ARHGEF3: variants seen among roughly 807,000 people sequenced by gnomAD.
ARHGEF3 encodes 59.8 kDA protein.
Under a neutral mutation model 63.2 loss-of-function variants are expected in ARHGEF3, and 28 were observed. That is an observed-to-expected ratio of 0.44 (90% confidence interval 0.33 to 0.61). ARHGEF3 has a LOEUF of 0.61. Among genes scored for constraint, ARHGEF3 ranks in the 20% least tolerant of loss-of-function variants. ARHGEF3 has a pLI of 0.03. For synonymous variants in ARHGEF3, 266 were observed against 254.2 expected, an observed-to-expected ratio of 1.05 and a Z score of -0.44; for missense variants, 533 against 659.3, an observed-to-expected ratio of 0.81 and a Z score of 2.10.
intron 2 of ARHGEF3, among the ~76,000 whole-genome samples, chr3:56,765,780 TAGA>T (rs1304318299): frequency 2.6e-5 from 4 of 152,102 alleles, no homozygotes; most frequent in African/African-American, 9.7e-5. Flanking sequence ...TATTTTATCA[TAGA>T]AGATTTTCTA....
intron 2 of ARHGEF3, among the ~76,000 whole-genome samples, chr3:56,967,920 ATT>A (rs1700654212): frequency 1.4e-5 from 1 of 70,948 alleles, no homozygotes; most frequent in Non-Finnish European, 2.4e-5. Context: ...TATATAATAT[ATT>A]ATATATAATA....
intron 3 of ARHGEF3, among the ~76,000 whole-genome samples, chr3:56,914,697 C>T (rs1039302394): frequency 3.3e-5 from 5 of 152,130 alleles, no homozygotes; most frequent in African/African-American, 1.2e-4. Flanking sequence ...CACGTTACAA[C>T]TTGAATGAAC....
At chr3:57,040,511 A>G (rs918730496) in intron 1 of ARHGEF3, among the ~76,000 whole-genome samples, 1 of 151,812 alleles carries the variant, frequency 6.6e-6, no homozygotes, top group Non-Finnish European at 1.5e-5. Flanking sequence ...AAATACCAAA[A>G]CAGGTAAAAC....
intron 3 of ARHGEF3, chr3:56,882,464 C>A: frequency 1.2e-6 from 1 of 854,096 alleles, no homozygotes; most frequent in Non-Finnish European, 1.9e-6. Flanking sequence ...TCATTTCTAC[C>A]ATGGTACCCA....
rs34368516 is a variant in ARHGEF3, at chr3:56,744,397, C to CTTT, written c.870+805_870+807dup. On this transcript the variant is annotated intron_variant, in intron 7 of 9. Coordinates refer to ENST00000296315, the MANE Select transcript of ARHGEF3 (RefSeq NM_019555.3). ...ATTACCCAGCCCACACTCAATAAAC[C>CTTT]TTTTTTTTTTTTTTTTTGAGACAAG... Among the ~76,000 whole-genome samples the CTTT allele has an allele frequency of 6.7e-3, 829 of 124,456 alleles. 13 individuals are homozygous for CTTT. Among genetic ancestry groups the CTTT allele is most frequent in the African/African-American group, 0.026 (778 of 30,284 alleles). 81.6% of individuals were successfully genotyped at this position (124,456 alleles called of 152,430 possible).
intron 2 of ARHGEF3, among the ~76,000 whole-genome samples, chr3:56,994,663 T>G (rs1303594489): frequency 6.6e-6 from 1 of 152,076 alleles, no homozygotes; most frequent in East Asian, 1.9e-4. Context: ...GGGTAATCTT[T>G]TCATATTTTT....
chr3:56,937,255 G>A (rs1698952361), intron 3 of ARHGEF3, among the ~76,000 whole-genome samples: 1 of 152,146 alleles, frequency 6.6e-6, no homozygotes, highest in South Asian at 2.1e-4. Context: ...TTAGAATGTT[G>A]GAGAATTATT....
intron 4 of ARHGEF3, among the ~76,000 whole-genome samples, chr3:56,857,873 T>C (rs538935459): frequency 3.8e-4 from 58 of 152,320 alleles, no homozygotes; most frequent in Admixed American, 3.5e-3. Context: ...AGTTATGCTT[T>C]AGCCTTTGCA....
At chr3:56,772,696 C>T (rs2036070387) in intron 2 of ARHGEF3, among the ~76,000 whole-genome samples, 1 of 152,176 alleles carries the variant, frequency 6.6e-6, no homozygotes, top group Admixed American at 6.5e-5. Context: ...AACTAAAAAA[C>T]TATCATAGTA....
intron 2 of ARHGEF3, chr3:56,960,835 A>G (rs1364246135): frequency 6.6e-6 from 1 of 152,232 alleles, no homozygotes; most frequent in Non-Finnish European, 1.5e-5. Flanking sequence ...CTGAAAATAA[A>G]TGTCTGTTTT....
intron 4 of ARHGEF3, among the ~76,000 whole-genome samples, chr3:56,874,997 T>C (rs1027477451): frequency 1.3e-5 from 2 of 152,178 alleles, no homozygotes; most frequent in African/African-American, 4.8e-5. Context: ...CCTGCTATAG[T>C]ATGCTATTTA....
At chr3:56,832,518 AC>A (rs143715199) in intron 4 of ARHGEF3, among the ~76,000 whole-genome samples, 15,783 of 152,142 alleles carry the variant, frequency 0.1, 971 homozygotes, top group Non-Finnish European at 0.13. Context: ...ATCTTTGGCC[AC>A]CCCCAGTGAC....
chr3:56,888,478 G>C (rs1160952025), intron 3 of ARHGEF3, among the ~76,000 whole-genome samples: 1 of 152,194 alleles, frequency 6.6e-6, no homozygotes, highest in Non-Finnish European at 1.5e-5. Context: ...GGCAGTTACA[G>C]AGGAGAATTT....
intron 4 of ARHGEF3, among the ~76,000 whole-genome samples, chr3:56,836,872 A>G (rs2039129521): frequency 6.6e-6 from 1 of 152,138 alleles, no homozygotes; most frequent in Non-Finnish European, 1.5e-5. Flanking sequence ...GGCTGCAGTG[A>G]GCCGTGATTG....
chr3:56,807,771 T>G (rs140452182), intron 4 of ARHGEF3, among the ~76,000 whole-genome samples: 1 of 152,290 alleles, frequency 6.6e-6, no homozygotes, highest in African/African-American at 2.4e-5. Context: ...CTCATACCAG[T>G]ATTACTATTC....
intron 2 of ARHGEF3, chr3:56,977,423 G>A: frequency 2.4e-6 from 1 of 421,718 alleles, no homozygotes; most frequent in Non-Finnish European, 4.8e-6. Context: ...TGCCGCCATG[G>A]CAACCACACT....
intron 4 of ARHGEF3, among the ~76,000 whole-genome samples, chr3:56,880,742 A>G (rs1038221933): frequency 6.6e-6 from 1 of 152,238 alleles, no homozygotes; most frequent in South Asian, 2.1e-4. Flanking sequence ...AATTAAAAAG[A>G]TTCAAACACA....
At chr3:56,794,488 CAAAAAAAAAAAA>C (rs10557985) in intron 1 of ARHGEF3, among the ~76,000 whole-genome samples, 12 of 116,912 alleles carry the variant, frequency 1.0e-4, no homozygotes, top group African/African-American at 3.9e-4. Flanking sequence ...GACTCTATCT[CAAAAAAAAAAAA>C]AAAAAAAAAA....
intron 1 of ARHGEF3, among the ~76,000 whole-genome samples, chr3:57,064,918 C>T (rs1475474377): frequency 1.3e-5 from 2 of 152,242 alleles, no homozygotes; most frequent in Non-Finnish European, 2.9e-5. Context: ...ATAGTCAACA[C>T]AGTAAATTTT....
Sources: allele counts gnomAD v4.1 joint callset (sites outside exome capture counted in the v4.1 genomes callset), GRCh38; gene constraint gnomAD v4.1.1; transcripts MANE v1.5; gene names NCBI Gene and HGNC (gene_info 2026-07-23, HGNC 2026-07-21).